CALN1: variants seen among roughly 807,000 people sequenced by gnomAD.
CALN1 encodes calneuron 1, also known as calcium-binding protein 8.
In CALN1, 17 loss-of-function variants were observed where a neutral mutation model predicts 30.6. The observed-to-expected ratio is 0.56, with a 90% confidence interval of 0.38 to 0.83. The LOEUF (loss-of-function observed/expected upper bound fraction) is 0.83, where lower values mean the gene tolerates loss of function less well. Ranked by LOEUF, CALN1 falls within the 40% of genes least tolerant of loss-of-function variation. The probability of loss-of-function intolerance (pLI) is 0.00; values close to 1 mark genes in which losing one functional copy is unlikely to be tolerated. For missense variants in CALN1, 291 were observed against 354.9 expected (o/e 0.82, Z 1.45); for synonymous variants, 156 against 131.4 (o/e 1.19, Z -1.28).
intron 4 of CALN1, among the ~76,000 whole-genome samples, chr7:72,027,467 T>C (rs978756208): frequency 6.6e-6 from 1 of 152,080 alleles, no homozygotes; most frequent in Admixed American, 6.5e-5. Context: ...TCCTAGCACT[T>C]TGGGAGGCCG....
At chr7:71,812,929 C>CATCATCATTATTATTATT (rs1287091997) in intron 5 of CALN1, among the ~76,000 whole-genome samples, 1,392 of 136,484 alleles carry the variant, frequency 0.01, 12 homozygotes, top group Non-Finnish European at 0.015. Flanking sequence ...TCATCATCAT[C>CATCATCATTATTATTATT]ATTATTATTA....
chr7:72,375,242 C>CT (rs1253914944), intron 2 of CALN1, among the ~76,000 whole-genome samples: 1 of 152,112 alleles, frequency 6.6e-6, no homozygotes, highest in East Asian at 1.9e-4. Context: ...TCAGTGAGCT[C>CT]TATTCTCATC....
chr7:72,304,480 C>T (rs1405092232), intron 2 of CALN1, among the ~76,000 whole-genome samples: 2 of 152,104 alleles, frequency 1.3e-5, no homozygotes, highest in South Asian at 2.1e-4. Context: ...CCCATCTCTA[C>T]AAAATTAAAA....
rs1468903445 is a variant in CALN1, at chr7:72,105,788, G to GA, written c.388+362_388+363insT. On this transcript the variant is annotated intron_variant, in intron 4 of 6. Coordinates refer to ENST00000395275, the MANE Select transcript of CALN1 (RefSeq NM_031468.4). ...AAGAAGAAGGAGGAGGAGGAGGAGG[G>GA]GGGAGGGAGGGAGGGAGGAGGAGGA... Among the ~76,000 whole-genome samples, 351 of 78,574 alleles carry GA rather than the reference G, an allele frequency of 4.5e-3. 3 individuals carry two copies. Among genetic ancestry groups the GA allele is most frequent in the African/African-American group, 0.022 (331 of 14,740 alleles). 51.5% of individuals were successfully genotyped at this position (78,574 alleles called of 152,430 possible).
intron 2 of CALN1, among the ~76,000 whole-genome samples, chr7:72,385,485 T>C (rs1444341320): frequency 6.6e-6 from 1 of 152,208 alleles, no homozygotes; most frequent in African/African-American, 2.4e-5. Context: ...AATGCCATAT[T>C]GATATGGTTT....
At chr7:72,008,958 A>T (rs908383722) in intron 5 of CALN1, among the ~76,000 whole-genome samples, 8 of 152,196 alleles carry the variant, frequency 5.3e-5, no homozygotes, top group African/African-American at 1.9e-4. Context: ...GCCCGGCCTC[A>T]AATAAATTTT....
chr7:72,097,081 T>C (rs1273884530), intron 4 of CALN1, among the ~76,000 whole-genome samples: 1 of 152,052 alleles, frequency 6.6e-6, no homozygotes, highest in Non-Finnish European at 1.5e-5. Flanking sequence ...ACACCGTATG[T>C]TCTCACTCAT....
chr7:72,203,983 T>C (rs1421542824), intron 3 of CALN1, among the ~76,000 whole-genome samples: 7 of 60,574 alleles, frequency 1.2e-4, no homozygotes, highest in African/African-American at 4.0e-4. Context: ...CTCTCTCTTT[T>C]TTTTTTTTTT....
chr7:71,805,897 C>T (rs1191671116), intron 6 of CALN1, among the ~76,000 whole-genome samples: 1 of 152,146 alleles, frequency 6.6e-6, no homozygotes, highest in Non-Finnish European at 1.5e-5. Context: ...CAATGGCATA[C>T]TATGCAGCCA....
chr7:72,276,085 T>G (rs1797314952), intron 3 of CALN1, among the ~76,000 whole-genome samples: 1 of 152,134 alleles, frequency 6.6e-6, no homozygotes, highest in Non-Finnish European at 1.5e-5. Context: ...GATTCCAAAC[T>G]CCATTTGGTT....
At chr7:72,255,881 C>T (rs573092375) in intron 3 of CALN1, among the ~76,000 whole-genome samples, 1 of 152,078 alleles carries the variant, frequency 6.6e-6, no homozygotes, top group Non-Finnish European at 1.5e-5. Context: ...CAGATGCGCA[C>T]CAGCACGCTG....
rs1278481739 is a variant in CALN1, at chr7:72,206,367, A to ATC, written c.244+72318_244+72319insGA. On this transcript the variant is annotated intron_variant, in intron 3 of 6. Coordinates refer to ENST00000395275, the MANE Select transcript of CALN1 (RefSeq NM_031468.4). The stretch of plus-strand genomic sequence containing the variant: ...TTTTAGTTTCTTGTCCTCATCCTAT[A>ATC]CATTCTAGAGCTTCTCTCAAACTCC... Among the ~76,000 whole-genome samples the ATC allele has an allele frequency of 7.9e-5, 12 of 152,272 alleles. No homozygotes were observed. The East Asian group carries it at 2.1e-3, about 27-fold the overall frequency.
chr7:72,272,847 A>G (rs1039246263), intron 3 of CALN1, among the ~76,000 whole-genome samples: 4 of 152,146 alleles, frequency 2.6e-5, no homozygotes, highest in African/African-American at 9.7e-5. Flanking sequence ...TTTGGGGAAC[A>G]CAACTTAACC....
At chr7:72,368,645 G>T (rs1008100659) in intron 2 of CALN1, among the ~76,000 whole-genome samples, 2 of 151,916 alleles carry the variant, frequency 1.3e-5, no homozygotes, top group Non-Finnish European at 2.9e-5. Context: ...TCATACGGAG[G>T]TCATCTGAAA....
chr7:72,383,620 T>C (rs1805040285), intron 2 of CALN1, among the ~76,000 whole-genome samples: 1 of 152,178 alleles, frequency 6.6e-6, no homozygotes, highest in Non-Finnish European at 1.5e-5. Flanking sequence ...AGATGGTCCT[T>C]GTATAACTAC....
intron 1 of CALN1, among the ~76,000 whole-genome samples, chr7:72,408,511 A>C (rs1806861504): frequency 6.6e-6 from 1 of 151,970 alleles, no homozygotes. Flanking sequence ...AGAGAGCGTA[A>C]CTGGAATATG....
At chr7:72,169,986 C>A (rs1244773026) in intron 3 of CALN1, among the ~76,000 whole-genome samples, 2 of 151,606 alleles carry the variant, frequency 1.3e-5, no homozygotes, top group Non-Finnish European at 2.9e-5. Flanking sequence ...AGACACCGCA[C>A]CTGGCCAATT....
intron 3 of CALN1, among the ~76,000 whole-genome samples, chr7:72,254,024 A>T (rs561302324): frequency 1.3e-5 from 2 of 152,134 alleles, no homozygotes; most frequent in African/African-American, 4.8e-5. Context: ...TACAGGCATG[A>T]GCAACTGTGC....
the CALN1 span, among the ~76,000 whole-genome samples, chr7:72,452,235 T>G: frequency 2.0e-5 from 3 of 152,148 alleles, no homozygotes; most frequent in African/African-American, 2.4e-5. Context: ...AACTCACTCC[T>G]TGTGGGGTCT....
Sources: allele counts gnomAD v4.1 joint callset (sites outside exome capture counted in the v4.1 genomes callset), GRCh38; gene constraint gnomAD v4.1.1; transcripts MANE v1.5; gene names NCBI Gene and HGNC (gene_info 2026-07-23, HGNC 2026-07-21).